Variants in FGF14 observed in about 807,000 individuals in gnomAD.
The protein encoded by FGF14 is fibroblast growth factor homologous factor 4.
In FGF14, 5 loss-of-function variants were observed where a neutral mutation model predicts 25.5. The ratio of observed to expected loss-of-function variants is 0.20; its 90% CI spans 0.10 to 0.41. The LOEUF is 0.41. Among genes scored for constraint, FGF14 ranks in the 10% least tolerant of loss-of-function variants. The pLI, the probability that FGF14 is intolerant of heterozygous loss-of-function variation, is 1.00. For synonymous variants in FGF14, 138 were observed against 118.3 expected (o/e 1.17, Z -1.08); for missense variants, 222 against 320.1 (o/e 0.69, Z 2.34).
At chr13:102,348,004 G>GT (rs1301352683) in intron 1 of FGF14, among the ~76,000 whole-genome samples, 5 of 149,440 alleles carry the variant, frequency 3.3e-5, no homozygotes, top group South Asian at 2.1e-4. Context: ...GATTTTCTGG[G>GT]TAAAAAAAAA....
At chr13:102,328,494 T>C (rs1440184531) in intron 1 of FGF14, among the ~76,000 whole-genome samples, 1 of 152,208 alleles carries the variant, frequency 6.6e-6, no homozygotes, top group East Asian at 1.9e-4. Flanking sequence ...CTATCCTCCT[T>C]GTAGTTATTT....
At chr13:102,165,851 G>T (rs906865057) in intron 1 of FGF14, among the ~76,000 whole-genome samples, 4 of 151,602 alleles carry the variant, frequency 2.6e-5, no homozygotes, top group Non-Finnish European at 4.4e-5. Flanking sequence ...ATTCCTGGTT[G>T]CCAGAGGCTG....
At chr13:101,902,186 A>G (rs898187776) in intron 1 of FGF14, among the ~76,000 whole-genome samples, 2 of 152,218 alleles carry the variant, frequency 1.3e-5, no homozygotes, top group African/African-American at 2.4e-5. Context: ...AATATATACA[A>G]GAGTAGGCAA....
chr13:102,228,422 G>C (rs1045898829), intron 1 of FGF14, among the ~76,000 whole-genome samples: 1 of 152,118 alleles, frequency 6.6e-6, no homozygotes, highest in Non-Finnish European at 1.5e-5. Context: ...AACTTACTCA[G>C]AGGTATTAAT....
chr13:102,081,627 A>C (rs769588755), intron 1 of FGF14, among the ~76,000 whole-genome samples: 3 of 152,080 alleles, frequency 2.0e-5, no homozygotes, highest in Non-Finnish European at 4.4e-5. Flanking sequence ...TGGAATAGAT[A>C]CTCATCCTCT....
intron 1 of FGF14, among the ~76,000 whole-genome samples, chr13:101,925,354 C>T (rs1312279283): frequency 6.6e-6 from 1 of 152,140 alleles, no homozygotes; most frequent in African/African-American, 2.4e-5. Context: ...GACCTGAAAG[C>T]GTACCAGGGA....
chr13:101,958,652 G>GA (rs1044457851), intron 1 of FGF14, among the ~76,000 whole-genome samples: 2 of 152,168 alleles, frequency 1.3e-5, no homozygotes, highest in East Asian at 3.9e-4. Flanking sequence ...TCTTGACAGA[G>GA]AAAAAAAGAG....
At chr13:102,264,884 A>G (rs1201612380) in intron 1 of FGF14, among the ~76,000 whole-genome samples, 2 of 152,090 alleles carry the variant, frequency 1.3e-5, no homozygotes, top group African/African-American at 4.8e-5. Context: ...CCATTGGCCA[A>G]AGGTCAAGGT....
chr13:101,761,860 A>T (rs1441740958), intron 3 of FGF14, among the ~76,000 whole-genome samples: 1 of 152,150 alleles, frequency 6.6e-6, no homozygotes, highest in Non-Finnish European at 1.5e-5. Flanking sequence ...TTCATAATCT[A>T]ATGGCTTAAA....
chr13:101,819,788 A>C (rs1157688792), intron 3 of FGF14, among the ~76,000 whole-genome samples: 1 of 152,218 alleles, frequency 6.6e-6, no homozygotes, highest in Non-Finnish European at 1.5e-5. Context: ...TTATGATAAG[A>C]GAGAAAACAT....
chr13:102,015,637 G>A (rs1474586049), intron 1 of FGF14, among the ~76,000 whole-genome samples: 1 of 152,102 alleles, frequency 6.6e-6, no homozygotes, highest in Non-Finnish European at 1.5e-5. Context: ...TGGAGGCAAT[G>A]CATCAGTGTC....
At chr13:101,929,923 T>C (rs533119075) in intron 1 of FGF14, among the ~76,000 whole-genome samples, 1 of 152,196 alleles carries the variant, frequency 6.6e-6, no homozygotes, top group African/African-American at 2.4e-5. Context: ...TTAATATAGG[T>C]GTTCATTTAG....
At chr13:101,951,923 T>C (rs2036190749) in intron 1 of FGF14, among the ~76,000 whole-genome samples, 1 of 152,178 alleles carries the variant, frequency 6.6e-6, no homozygotes, top group African/African-American at 2.4e-5. Context: ...ACCTATCAAA[T>C]ATTTGAGTAT....
intron 1 of FGF14, among the ~76,000 whole-genome samples, chr13:101,943,554 G>A (rs1354999392): frequency 2.6e-5 from 4 of 152,248 alleles, no homozygotes; most frequent in Admixed American, 2.0e-4. Flanking sequence ...ATCAATTGTT[G>A]CAGGGGTTGA....
chr13:101,726,861 T>G (rs1318768028), intron 3 of FGF14, 51 bp from the exon 4 acceptor site: 1 of 1,355,646 alleles, frequency 7.4e-7, no homozygotes. Context: ...TGATCTTCAC[T>G]GTACATTCTA....
chr13:102,127,281 T>G (rs2045988831), intron 1 of FGF14, among the ~76,000 whole-genome samples: 1 of 152,214 alleles, frequency 6.6e-6, no homozygotes. Context: ...GCATTTGTAC[T>G]AAGCATCACA....
intron 1 of FGF14, among the ~76,000 whole-genome samples, chr13:102,000,297 C>T (rs772001813): frequency 2.0e-5 from 3 of 152,010 alleles, no homozygotes; most frequent in Non-Finnish European, 4.4e-5. Flanking sequence ...CCAGCCTGGG[C>T]GACAGAGCAA....
intron 1 of FGF14, among the ~76,000 whole-genome samples, chr13:101,910,511 C>G (rs1278226590): frequency 6.6e-6 from 1 of 151,948 alleles, no homozygotes; most frequent in Non-Finnish European, 1.5e-5. Flanking sequence ...TATCAAAAAC[C>G]ATAAAATCAT....
At chr13:101,821,138 C>T (rs1417758353) in intron 3 of FGF14, among the ~76,000 whole-genome samples, 2 of 151,946 alleles carry the variant, frequency 1.3e-5, no homozygotes, top group Non-Finnish European at 2.9e-5. Flanking sequence ...TTAGTAGAGA[C>T]AGGGTTTCAC....
Sources: gnomAD v4.1 joint callset for allele counts (sites outside exome capture counted in the v4.1 genomes callset) on GRCh38, gnomAD v4.1.1 for gene constraint, MANE v1.5 for transcripts, NCBI Gene and HGNC (gene_info 2026-07-23, HGNC 2026-07-21) for gene names.